Variants in SNX29 observed in about 807,000 individuals in gnomAD.
SNX29 encodes the protein sorting nexin 29.
In SNX29, 78 loss-of-function variants were observed where a neutral mutation model predicts 102.1. That is an observed-to-expected ratio of 0.76 (90% confidence interval 0.64 to 0.92). The LOEUF is 0.92. SNX29 is among the 40% of genes least tolerant of loss of function. The probability of loss-of-function intolerance (pLI) is 0.00; values close to 1 mark genes in which losing one functional copy is unlikely to be tolerated. For synonymous variants in SNX29, 580 were observed against 414.5 expected, an observed-to-expected ratio of 1.40 and a Z score of -4.85; for missense variants, 1,280 against 1,061.7, an observed-to-expected ratio of 1.21 and a Z score of -2.86.
At chr16:12,562,128 C>T (rs1039974635) in intron 20 of SNX29, among the ~76,000 whole-genome samples, 5 of 152,132 alleles carry the variant, frequency 3.3e-5, no homozygotes, top group South Asian at 2.1e-4. Context: ...TGTGTGACCC[C>T]AAAATGGCTC....
chr16:12,241,151 A>C (rs1000234249), intron 14 of SNX29, among the ~76,000 whole-genome samples: 6 of 152,234 alleles, frequency 3.9e-5, no homozygotes, highest in African/African-American at 1.4e-4. Context: ...AAAAATAATT[A>C]ACCGGGATTC....
At chr16:12,097,814 G>A (rs1020162622) in intron 11 of SNX29, among the ~76,000 whole-genome samples, 1 of 152,224 alleles carries the variant, frequency 6.6e-6, no homozygotes, top group Non-Finnish European at 1.5e-5. Context: ...GGTCAGACTT[G>A]TTTGAAATGT....
intron 16 of SNX29, among the ~76,000 whole-genome samples, chr16:12,380,976 ACCATCCAT>A (rs1192440586): frequency 1.7e-4 from 9 of 54,240 alleles, no homozygotes; most frequent in African/African-American, 8.3e-4. Context: ...TCATCCACCC[ACCATCCAT>A]CCATCCACCC....
chr16:12,165,703 G>A (rs570132420), intron 13 of SNX29, among the ~76,000 whole-genome samples: 19 of 152,348 alleles, frequency 1.2e-4, no homozygotes, highest in African/African-American at 4.6e-4. Context: ...TGGGATTACA[G>A]GCGCACGCCG....
chr16:12,421,752 TATCATCATCACCATCATTACCAGTTATC>T (rs950675336), intron 18 of SNX29, among the ~76,000 whole-genome samples: 7 of 151,990 alleles, frequency 4.6e-5, no homozygotes, highest in African/African-American at 1.7e-4. Context: ...TCACCATCAT[TATCATCATCACCATCATTACCAGTTATC>T]ATCATCATCA....
At chr16:12,408,598 A>T (rs2084269234) in intron 18 of SNX29, among the ~76,000 whole-genome samples, 2 of 152,216 alleles carry the variant, frequency 1.3e-5, no homozygotes, top group African/African-American at 4.8e-5. Context: ...AGGCGGGTGG[A>T]TCACCTGAGG....
At chr16:12,552,312 G>A (rs150599329) in intron 20 of SNX29, among the ~76,000 whole-genome samples, 62 of 152,286 alleles carry the variant, frequency 4.1e-4, no homozygotes, top group African/African-American at 6.7e-4. Flanking sequence ...TCTAGAAGAG[G>A]TGATAATGGA....
intron 14 of SNX29, among the ~76,000 whole-genome samples, chr16:12,260,636 G>A (rs1181481080): frequency 3.5e-5 from 3 of 84,756 alleles, no homozygotes; most frequent in African/African-American, 1.3e-4. Context: ...GCTCTCCAGG[G>A]CTTTCTTAGC....
chr16:12,335,501 C>T (rs902133507), intron 15 of SNX29, among the ~76,000 whole-genome samples: 8 of 152,048 alleles, frequency 5.3e-5, no homozygotes, highest in Non-Finnish European at 7.4e-5. Context: ...CCCCTCCCAC[C>T]CCATCTCTAC....
At chr16:12,544,142 C>T (rs545518639) in intron 20 of SNX29, among the ~76,000 whole-genome samples, 50 of 152,298 alleles carry the variant, frequency 3.3e-4, no homozygotes, top group Non-Finnish European at 4.7e-4. Flanking sequence ...CTATATTCAC[C>T]GGCATCATTC....
intron 11 of SNX29, among the ~76,000 whole-genome samples, chr16:12,121,227 G>T (rs1180457168): frequency 6.6e-6 from 1 of 152,224 alleles, no homozygotes; most frequent in African/African-American, 2.4e-5. Context: ...AGGGGACAGT[G>T]TGCTTTCGTG....
chr16:12,284,818 A>C (rs1239667588), intron 15 of SNX29, among the ~76,000 whole-genome samples: 1 of 151,484 alleles, frequency 6.6e-6, no homozygotes, highest in African/African-American at 2.4e-5. Flanking sequence ...TCTGCCTCCC[A>C]GGTTCAAGCA....
intron 20 of SNX29, among the ~76,000 whole-genome samples, chr16:12,560,445 C>T (rs1019977650): frequency 3.9e-5 from 6 of 152,146 alleles, no homozygotes; most frequent in African/African-American, 7.2e-5. Flanking sequence ...TCCCCAGCCC[C>T]GAGTCTTTTG....
rs188777393 is a variant in SNX29 at position 12,242,884 on chromosome 16, G to A, written c.1679-35049G>A. On this transcript the variant is annotated intron_variant, in intron 14 of 20. Transcript: ENST00000566228. ...GCCACATAGCCCAGGCTGGACTCAA[G>A]CAGTGCTTCCACCTCAGCCTCCCAA... is the stretch of plus-strand genomic sequence containing the variant. Among the ~76,000 whole-genome samples the A allele has an allele frequency of 4.0e-4, 61 of 152,216 alleles. No homozygotes were observed. The East Asian group carries it at 5.0e-3, about 13-fold the overall frequency.
intron 18 of SNX29, among the ~76,000 whole-genome samples, chr16:12,423,851 C>T (rs991655442): frequency 1.4e-4 from 21 of 152,184 alleles, no homozygotes; most frequent in Non-Finnish European, 2.6e-4. Context: ...GGATTACAGG[C>T]GTGAGCTACC....
Position 12,568,712 on chromosome 16 carries a change from G to T in SNX29, c.*83G>T. ...CCACTGCCGCTGGCCCCTCACCTCA[G>T]CGTGACAACCACGTCCACCTGGTGA... On this transcript the variant is annotated 3_prime_UTR_variant, in exon 21 of 21. Coordinates refer to ENST00000566228, the MANE Select transcript of SNX29 (RefSeq NM_032167.5). 2 of 1,544,978 alleles carry T rather than the reference G, an allele frequency of 1.3e-6. No homozygotes were observed. Among genetic ancestry groups the T allele is most frequent in the Non-Finnish European group, 1.7e-6 (2 of 1,150,574 alleles).
At chr16:12,345,653 C>G (rs533542460) in intron 15 of SNX29, among the ~76,000 whole-genome samples, 2 of 152,108 alleles carry the variant, frequency 1.3e-5, no homozygotes, top group Non-Finnish European at 2.9e-5. Flanking sequence ...ATGAATGGAT[C>G]GAAGGCGTTG....
intron 8 of SNX29, among the ~76,000 whole-genome samples, chr16:12,058,288 TTC>T (rs1272265451): frequency 6.6e-6 from 1 of 152,120 alleles, no homozygotes; most frequent in East Asian, 1.9e-4. Context: ...GGTTTATTTT[TTC>T]TCTCTCTTCT....
intron 3 of SNX29, among the ~76,000 whole-genome samples, chr16:12,009,437 T>A (rs1421517319): frequency 6.7e-6 from 1 of 149,252 alleles, no homozygotes; most frequent in East Asian, 1.9e-4. Flanking sequence ...ATATATATAT[T>A]TTTATATGTG....
Sources: allele counts gnomAD v4.1 joint callset (sites outside exome capture counted in the v4.1 genomes callset), GRCh38; gene constraint gnomAD v4.1.1; transcripts MANE v1.5; gene names NCBI Gene and HGNC (gene_info 2026-07-23, HGNC 2026-07-21).